Variants in HSDL2 observed in about 807,000 individuals in gnomAD.
HSDL2 encodes the protein hydroxysteroid dehydrogenase like 2.
HSDL2 carries 27 observed loss-of-function variants against 46.3 expected under a neutral mutation model. The observed-to-expected ratio is 0.58, with a 90% CI of 0.43 to 0.80. HSDL2 has a LOEUF of 0.80. HSDL2 is among the 30% of genes least tolerant of loss of function. HSDL2 has a pLI of 0.00. For synonymous variants in HSDL2, 153 were observed against 163.6 expected (o/e 0.94, Z 0.50); for missense variants, 451 against 502.7 (o/e 0.90, Z 0.98).
intron 1 of HSDL2, among the ~76,000 whole-genome samples, chr9:112,396,559 A>G (rs1018947826): frequency 2.6e-5 from 4 of 152,192 alleles, no homozygotes; most frequent in African/African-American, 9.7e-5. Context: ...GCTGGAATGG[A>G]AACAGGAACC....
chr9:112,389,872 C>T (rs1288624550), intron 1 of HSDL2, among the ~76,000 whole-genome samples: 3 of 152,190 alleles, frequency 2.0e-5, no homozygotes, highest in Non-Finnish European at 4.4e-5. Flanking sequence ...CCAGACCAGC[C>T]TAGCCAACAT....
chr9:112,459,582 G>T lies in HSDL2; in HGVS notation c.1144+5G>T. 6.2e-7 allele frequency: 1 copy of T among 1,611,770 alleles called. No individual in the cohort carries two copies. The highest frequency in any genetic ancestry group is 1.1e-5 in the South Asian group (1 of 90,956). On this transcript the variant is annotated splice_donor_5th_base_variant and intron_variant, in intron 10 of 10. Transcript: ENST00000398805. ...ACTTTGTAAAAATGTTTTCAGGTGA[G>T]TTTTCCAGTTTATTAGTTTACCTTA...
chr9:112,386,976 G>A (rs1401075639), intron 1 of HSDL2, among the ~76,000 whole-genome samples: 1 of 152,122 alleles, frequency 6.6e-6, no homozygotes, highest in East Asian at 1.9e-4. Flanking sequence ...AACTCTTAAG[G>A]TATAACAGCC....
chr9:112,445,035 C>A (rs1325185370), intron 8 of HSDL2, among the ~76,000 whole-genome samples: 1 of 151,942 alleles, frequency 6.6e-6, no homozygotes, highest in Non-Finnish European at 1.5e-5. Context: ...CATGCCACCA[C>A]GTCCAGCTAA....
intron 1 of HSDL2, among the ~76,000 whole-genome samples, chr9:112,384,725 A>C (rs1346679860): frequency 1.3e-5 from 2 of 150,668 alleles, no homozygotes; most frequent in African/African-American, 4.9e-5. Flanking sequence ...CACATCCAAA[A>C]AGCTGAGCCT....
chr9:112,388,671 T>C (rs1276412885), intron 1 of HSDL2, among the ~76,000 whole-genome samples: 2 of 151,920 alleles, frequency 1.3e-5, no homozygotes, highest in East Asian at 3.9e-4. Context: ...GGAGAATTGC[T>C]TGAACCTGGG....
chr9:112,417,314 T>A (rs918788451), intron 5 of HSDL2, among the ~76,000 whole-genome samples: 1 of 152,026 alleles, frequency 6.6e-6, no homozygotes, highest in South Asian at 2.1e-4. Context: ...TTAAAAACTA[T>A]CTATGAGATA....
chr9:112,460,769 A>G (rs1833185207), intron 10 of HSDL2, among the ~76,000 whole-genome samples: 1 of 152,168 alleles, frequency 6.6e-6, no homozygotes, highest in Non-Finnish European at 1.5e-5. Flanking sequence ...ATACCTAAGA[A>G]AAAAGAAAAT....
At chr9:112,440,311 AAGAG>A (rs577992756) in intron 7 of HSDL2, among the ~76,000 whole-genome samples, 1 of 151,422 alleles carries the variant, frequency 6.6e-6, no homozygotes, top group African/African-American at 2.4e-5. Flanking sequence ...ACTTCTGAAA[AAGAG>A]AGAGAGAGAG....
At chr9:112,462,886 C>G (rs1419556205) in intron 10 of HSDL2, among the ~76,000 whole-genome samples, 1 of 152,170 alleles carries the variant, frequency 6.6e-6, no homozygotes, top group Non-Finnish European at 1.5e-5. Flanking sequence ...TACTAATTTG[C>G]TCTCTGTCTC....
At position 112,384,260 on chromosome 9, in the gene HSDL2, GT is replaced by G. The variant is rs556564032; in HGVS notation, c.17+4084del. Among the ~76,000 whole-genome samples the G allele has an allele frequency of 2.0e-4, 29 of 147,702 alleles. No individual in the cohort carries two copies. In the East Asian group the frequency reaches 5.4e-3, roughly 27 times the overall value. ...CTGTAAGTTAGCTCTTCATCAGCAAGTTTTAGCCATCTATCAATAATACTAA... is the reference window on the plus strand; with the variant it reads ...CTGTAAGTTAGCTCTTCATCAGCAAGTTTAGCCATCTATCAATAATACTAA... On this transcript the variant is annotated intron_variant, in intron 1 of 10. Coordinates refer to ENST00000398805, the MANE Select transcript of HSDL2 (RefSeq NM_032303.5).
chr9:112,431,651 A>G (rs116264840), intron 6 of HSDL2, among the ~76,000 whole-genome samples: 2,243 of 151,958 alleles, frequency 0.015, 45 homozygotes, highest in African/African-American at 0.052. Context: ...ATAGTGAGTG[A>G]GTTCTCATCT....
At chr9:112,406,702 T>A (rs1210662330) in intron 3 of HSDL2, among the ~76,000 whole-genome samples, 1 of 152,168 alleles carries the variant, frequency 6.6e-6, no homozygotes, top group Non-Finnish European at 1.5e-5. Flanking sequence ...ACTCCTGACT[T>A]CATGATCCAC....
At chr9:112,457,873 G>C (rs1833078177) in intron 9 of HSDL2, among the ~76,000 whole-genome samples, 2 of 152,100 alleles carry the variant, frequency 1.3e-5, no homozygotes, top group Non-Finnish European at 2.9e-5. Context: ...GCACCCTCAA[G>C]CTCCTGAACT....
intron 6 of HSDL2, among the ~76,000 whole-genome samples, chr9:112,434,502 C>T (rs1471924564): frequency 6.6e-6 from 1 of 152,176 alleles, no homozygotes; most frequent in Non-Finnish European, 1.5e-5. Flanking sequence ...CTGACATGCC[C>T]ATGCTTTATA....
chr9:112,402,754 C>G (rs1379953235), intron 1 of HSDL2, among the ~76,000 whole-genome samples: 1 of 151,942 alleles, frequency 6.6e-6, no homozygotes, highest in Non-Finnish European at 1.5e-5. Flanking sequence ...AATCACGTCT[C>G]TGCTAAAAAT....
intron 3 of HSDL2, among the ~76,000 whole-genome samples, chr9:112,408,550 G>A (rs1831786524): frequency 6.6e-6 from 1 of 152,180 alleles, no homozygotes; most frequent in South Asian, 2.1e-4. Flanking sequence ...TGAACATAGA[G>A]TATACTTACA....
chr9:112,383,016 C>CT (rs982563127), intron 1 of HSDL2, among the ~76,000 whole-genome samples: 28 of 139,800 alleles, frequency 2.0e-4, no homozygotes, highest in Non-Finnish European at 3.4e-4. Context: ...TTCTGTCTTT[C>CT]TTTTTTTTGA....
intron 4 of HSDL2, among the ~76,000 whole-genome samples, chr9:112,416,359 G>A (rs1831992854): frequency 6.6e-6 from 1 of 151,826 alleles, no homozygotes; most frequent in African/African-American, 2.4e-5. Context: ...AGCTGGGGAG[G>A]CAGAGGCTAC....
Sources: allele counts gnomAD v4.1 joint callset (sites outside exome capture counted in the v4.1 genomes callset), GRCh38; gene constraint gnomAD v4.1.1; transcripts MANE v1.5; gene names NCBI Gene and HGNC (gene_info 2026-07-23, HGNC 2026-07-21).